Variants in PHF24 observed in about 807,000 individuals in gnomAD.
PHF24 encodes the protein Galpha inhibitory interacting protein.
Under a neutral mutation model 42.6 loss-of-function variants are expected in PHF24, and 25 were observed. That is an observed-to-expected ratio of 0.59 (90% CI 0.43 to 0.82). The LOEUF (loss-of-function observed/expected upper bound fraction) is 0.82. Ranked by LOEUF, PHF24 falls within the 40% of genes least tolerant of loss-of-function variation. The pLI is 0.00. For synonymous variants in PHF24, 185 were observed against 204.8 expected, an observed-to-expected ratio of 0.90 and a Z score of 0.83; for missense variants, 470 against 538.1, an observed-to-expected ratio of 0.87 and a Z score of 1.25.
At chr9:34,689,507 T>A in the PHF24 span, 6 of 306,320 alleles carry the variant, frequency 2.0e-5, no homozygotes, top group Non-Finnish European at 3.0e-5. This position sits in a 1 kb window ranked among gnomAD's most constrained non-coding sequence, Gnocchi z 4.1. Flanking sequence ...TTTTTTTTTT[T>A]AAGGCTAGTT....
the PHF24 span, chr9:34,728,752 G>T: frequency 1.8e-6 from 2 of 1,105,874 alleles, no homozygotes; most frequent in Non-Finnish European, 2.7e-6. Context: ...CACTCGCTTT[G>T]TATATATCTA....
chr9:34,864,778 G>C, the PHF24 span, among the ~76,000 whole-genome samples: 1 of 152,278 alleles, frequency 6.6e-6, no homozygotes, highest in South Asian at 2.1e-4. Flanking sequence ...GTAAACTGCT[G>C]TTAAGTAGAA....
At chr9:34,851,717 C>T in the PHF24 span, among the ~76,000 whole-genome samples, 6 of 152,140 alleles carry the variant, frequency 3.9e-5, no homozygotes, top group Admixed American at 6.5e-5. Context: ...AGCTGTAGAC[C>T]GGAGCTGTTC....
intron 1 of PHF24, among the ~76,000 whole-genome samples, chr9:34,960,205 T>C (rs1826541138): frequency 6.6e-6 from 1 of 152,198 alleles, no homozygotes; most frequent in African/African-American, 2.4e-5. Context: ...ATGATATTCA[T>C]TAGAGCCATT....
chr9:34,741,248 A>G, the PHF24 span, among the ~76,000 whole-genome samples: 11 of 152,184 alleles, frequency 7.2e-5, no homozygotes, highest in Non-Finnish European at 1.6e-4. Context: ...GTATATATAT[A>G]GATCATTAAG....
At chr9:34,934,531 C>T in the PHF24 span, among the ~76,000 whole-genome samples, 38 of 151,506 alleles carry the variant, frequency 2.5e-4, no homozygotes, top group South Asian at 4.0e-3. Flanking sequence ...TACCCCCAGC[C>T]CCCCCTTCCT....
At chr9:34,802,349 C>G in the PHF24 span, among the ~76,000 whole-genome samples, 3 of 152,134 alleles carry the variant, frequency 2.0e-5, no homozygotes, top group Non-Finnish European at 2.9e-5. Context: ...AGTGGTCGTT[C>G]CAGTAATGGC....
At chr9:34,939,550 G>A in the PHF24 span, among the ~76,000 whole-genome samples, 1 of 152,196 alleles carries the variant, frequency 6.6e-6, no homozygotes. Flanking sequence ...AGAGTTGTCT[G>A]TCAGAGGAGT....
At chr9:34,883,930 G>A in the PHF24 span, among the ~76,000 whole-genome samples, 1 of 152,222 alleles carries the variant, frequency 6.6e-6, no homozygotes, top group Admixed American at 6.5e-5. Flanking sequence ...GTTTATTGCA[G>A]CACTATTCAC....
chr9:34,739,205 A>C, the PHF24 span, among the ~76,000 whole-genome samples: 1 of 152,208 alleles, frequency 6.6e-6, no homozygotes, highest in Admixed American at 6.5e-5. Flanking sequence ...GTTCAAGTTA[A>C]AACAAGATCT....
At chr9:34,698,600 C>T in the PHF24 span, among the ~76,000 whole-genome samples, 2 of 152,140 alleles carry the variant, frequency 1.3e-5, no homozygotes, top group African/African-American at 2.4e-5. Context: ...CCTGCCTCAG[C>T]CTCCTGAGTA....
the PHF24 span, among the ~76,000 whole-genome samples, chr9:34,855,110 G>A: frequency 6.6e-6 from 1 of 151,964 alleles, no homozygotes; most frequent in African/African-American, 2.4e-5. Flanking sequence ...GGTTTTTTCT[G>A]TTTTCCATTT....
At chr9:34,936,221 G>T in the PHF24 span, among the ~76,000 whole-genome samples, 1 of 152,182 alleles carries the variant, frequency 6.6e-6, no homozygotes, top group Non-Finnish European at 1.5e-5. Flanking sequence ...GGCGCGCGCC[G>T]CCACGCCTGA....
At chr9:34,769,240 C>A in the PHF24 span, among the ~76,000 whole-genome samples, 3 of 152,128 alleles carry the variant, frequency 2.0e-5, no homozygotes, top group Admixed American at 2.0e-4. Context: ...CTCAGCCTCC[C>A]TAGTAGCTGG....
At chr9:34,701,521 G>A in the PHF24 span, among the ~76,000 whole-genome samples, 2 of 152,116 alleles carry the variant, frequency 1.3e-5, no homozygotes, top group African/African-American at 2.4e-5. This position sits in a 1 kb window ranked among gnomAD's most constrained non-coding sequence, Gnocchi z 5.8. Context: ...GGGCGCATGC[G>A]GCTGTGACCC....
the PHF24 span, chr9:34,724,071 C>A: frequency 6.6e-7 from 1 of 1,521,954 alleles, no homozygotes; most frequent in Non-Finnish European, 8.9e-7. Flanking sequence ...TGGTCCCTGG[C>A]TGCTTTGGTT....
the PHF24 span, among the ~76,000 whole-genome samples, chr9:34,878,772 G>A: frequency 6.6e-6 from 1 of 152,232 alleles, no homozygotes; most frequent in Non-Finnish European, 1.5e-5. Flanking sequence ...TGCCTCTGTA[G>A]ACTTCACGTC....
chr9:34,738,088 C>T, the PHF24 span, among the ~76,000 whole-genome samples: 41 of 152,116 alleles, frequency 2.7e-4, no homozygotes, highest in African/African-American at 9.4e-4. Context: ...GTTACAGCCT[C>T]AGCTATTTAT....
the PHF24 span, among the ~76,000 whole-genome samples, chr9:34,800,559 C>T: frequency 6.6e-6 from 1 of 152,236 alleles, no homozygotes; most frequent in South Asian, 2.1e-4. Flanking sequence ...CAAAAACAAG[C>T]AATGGGGAGA....
Sources: allele counts gnomAD v4.1 joint callset (sites outside exome capture counted in the v4.1 genomes callset), GRCh38; gene constraint gnomAD v4.1.1; non-coding constraint Gnocchi (gnomAD v3.1); transcripts MANE v1.5; gene names NCBI Gene and HGNC (gene_info 2026-07-23, HGNC 2026-07-21).